The following KCNH7 variants were observed in gnomAD, a reference collection of about 807,000 sequenced individuals.
KCNH7 encodes the protein voltage-gated inwardly rectifying potassium channel KCNH7.
KCNH7 carries 49 observed loss-of-function variants against 120.8 expected under a neutral mutation model. That is an observed-to-expected ratio of 0.41 (90% confidence interval 0.32 to 0.51). The LOEUF is 0.51. KCNH7 is among the 20% of genes least tolerant of loss of function. The pLI, the probability that KCNH7 is intolerant of heterozygous loss-of-function variation, is 0.38. For missense variants in KCNH7, 1,097 were observed against 1,446.6 expected (o/e 0.76, Z 3.92); for synonymous variants, 547 against 516.1 (o/e 1.06, Z -0.81).
intron 2 of KCNH7, among the ~76,000 whole-genome samples, chr2:162,618,107 C>G (rs972763814): frequency 2.6e-5 from 4 of 151,868 alleles, no homozygotes; most frequent in African/African-American, 9.7e-5. Flanking sequence ...TTTATCCTCT[C>G]AAGCAGAGAA....
intron 8 of KCNH7, among the ~76,000 whole-genome samples, chr2:162,423,804 C>A (rs533290313): frequency 1.8e-4 from 27 of 152,054 alleles, no homozygotes; most frequent in Non-Finnish European, 3.5e-4. Flanking sequence ...TGGCTGGGAG[C>A]ACTGACTAGG....
intron 2 of KCNH7, among the ~76,000 whole-genome samples, chr2:162,731,179 T>C (rs1687715137): frequency 6.6e-6 from 1 of 150,592 alleles, no homozygotes; most frequent in Non-Finnish European, 1.5e-5. Context: ...CCTTCTGCAA[T>C]GCATTTTGAC....
intron 10 of KCNH7, among the ~76,000 whole-genome samples, chr2:162,397,277 G>C (rs1474162272): frequency 1.3e-5 from 2 of 151,696 alleles, no homozygotes; most frequent in Non-Finnish European, 2.9e-5. Context: ...GGTGTACTCT[G>C]ATTTTTTCAA....
At chr2:162,508,307 A>C (rs1690951314) in intron 5 of KCNH7, among the ~76,000 whole-genome samples, 1 of 150,628 alleles carries the variant, frequency 6.6e-6, no homozygotes, top group Admixed American at 6.6e-5. Context: ...AAACCTTCTA[A>C]ACTCTTATTC....
chr2:162,504,401 A>G, intron 6 of KCNH7, 42 bp downstream of exon 6: 1 of 1,427,600 alleles, frequency 7.0e-7, no homozygotes, highest in Middle Eastern at 1.8e-4. Context: ...GCAGAAACAA[A>G]CCTCTAAAAC....
intron 6 of KCNH7, among the ~76,000 whole-genome samples, chr2:162,464,585 TA>T (rs1429891903): frequency 6.6e-6 from 1 of 152,028 alleles, no homozygotes; most frequent in Non-Finnish European, 1.5e-5. Flanking sequence ...TCCTTATTCT[TA>T]CAGCATTTGA....
At chr2:162,481,965 C>CATCTATCT (rs35463005) in intron 6 of KCNH7, among the ~76,000 whole-genome samples, 1,720 of 151,202 alleles carry the variant, frequency 0.011, 20 homozygotes, top group Middle Eastern at 0.034. Flanking sequence ...ATCTATCTAT[C>CATCTATCT]ATCTATCTAT....
intron 2 of KCNH7, among the ~76,000 whole-genome samples, chr2:162,676,813 A>G (rs1685543921): frequency 6.6e-6 from 1 of 151,396 alleles, no homozygotes; most frequent in Admixed American, 6.6e-5. Context: ...ACTACCACAT[A>G]AGGGTCCATT....
chr2:162,671,339 G>A (rs1416831878), intron 2 of KCNH7, among the ~76,000 whole-genome samples: 1 of 151,382 alleles, frequency 6.6e-6, no homozygotes, highest in African/African-American at 2.4e-5. Flanking sequence ...GATGAAAAAT[G>A]TGGACTATAT....
chr2:162,643,479 T>C (rs1002468293), intron 2 of KCNH7, among the ~76,000 whole-genome samples: 2 of 151,962 alleles, frequency 1.3e-5, no homozygotes, highest in African/African-American at 4.8e-5. Context: ...GCATTTACAT[T>C]ATGGAAAAAG....
intron 10 of KCNH7, among the ~76,000 whole-genome samples, chr2:162,398,352 A>G (rs954385188): frequency 2.6e-5 from 4 of 151,916 alleles, no homozygotes; most frequent in African/African-American, 7.2e-5. Context: ...GTGAGAAATC[A>G]AACACTGTAT....
intron 2 of KCNH7, among the ~76,000 whole-genome samples, chr2:162,542,078 G>T (rs1692325225): frequency 6.6e-6 from 1 of 151,814 alleles, no homozygotes; most frequent in East Asian, 1.9e-4. Context: ...TTAAAGAAGA[G>T]AAATAAATTT....
intron 2 of KCNH7, among the ~76,000 whole-genome samples, chr2:162,811,208 T>C (rs1436708934): frequency 2.0e-5 from 3 of 152,258 alleles, no homozygotes; most frequent in East Asian, 3.9e-4. Context: ...CCATTTATTC[T>C]TCATTAGATT....
At chr2:162,597,193 T>A (rs1292111793) in intron 2 of KCNH7, among the ~76,000 whole-genome samples, 3 of 152,048 alleles carry the variant, frequency 2.0e-5, no homozygotes, top group African/African-American at 7.2e-5. Context: ...CACTTTTGGG[T>A]GATACATCCA....
chr2:162,583,420 G>A (rs770790614), intron 2 of KCNH7, among the ~76,000 whole-genome samples: 7 of 151,900 alleles, frequency 4.6e-5, no homozygotes, highest in African/African-American at 7.3e-5. Context: ...GGGTTATTTT[G>A]TCAATATAAC....
chr2:162,740,443 A>G (rs1003875857), intron 2 of KCNH7, among the ~76,000 whole-genome samples: 1 of 152,188 alleles, frequency 6.6e-6, no homozygotes, highest in East Asian at 1.9e-4. Flanking sequence ...GTGGCTTCCA[A>G]TCAGCACCAG....
chr2:162,657,785 C>T (rs1177182523), intron 2 of KCNH7, among the ~76,000 whole-genome samples: 1 of 152,042 alleles, frequency 6.6e-6, no homozygotes, highest in Non-Finnish European at 1.5e-5. Flanking sequence ...TTTCCATTCT[C>T]ATTTAGGTTT....
intron 2 of KCNH7, among the ~76,000 whole-genome samples, chr2:162,576,209 T>G (rs1368084025): frequency 6.6e-6 from 1 of 152,094 alleles, no homozygotes; most frequent in Non-Finnish European, 1.5e-5. Flanking sequence ...TTTACTAACA[T>G]TTGGTTTGTT....
At chr2:162,765,585 A>G (rs2105460149) in intron 2 of KCNH7, among the ~76,000 whole-genome samples, 1 of 152,322 alleles carries the variant, frequency 6.6e-6, no homozygotes, top group African/African-American at 2.4e-5. Flanking sequence ...TGTAAAAGAT[A>G]ACAAAAAATG....
Sources: allele counts gnomAD v4.1 joint callset (sites outside exome capture counted in the v4.1 genomes callset), GRCh38; gene constraint gnomAD v4.1.1; transcripts MANE v1.5; gene names NCBI Gene and HGNC (gene_info 2026-07-23, HGNC 2026-07-21).